The following MANBA variants were observed in gnomAD, a reference collection of about 807,000 sequenced individuals.
MANBA encodes the protein mannosidase beta.
In MANBA, 83 loss-of-function variants were observed where a neutral mutation model predicts 111.1. That is an observed-to-expected ratio of 0.75 (90% CI 0.63 to 0.90). MANBA has a LOEUF of 0.90. MANBA is among the 40% of genes least tolerant of loss of function. The pLI is 0.00. For synonymous variants in MANBA, 370 were observed against 378.7 expected (o/e 0.98, Z 0.27); for missense variants, 1,036 against 1,069.0 (o/e 0.97, Z 0.43).
chr4:102,754,433 T>C (rs1487718267), intron 1 of MANBA, among the ~76,000 whole-genome samples: 1 of 152,206 alleles, frequency 6.6e-6, no homozygotes, highest in Non-Finnish European at 1.5e-5. Flanking sequence ...TTATAACTGA[T>C]GGTAATTGTA....
intron 13 of MANBA, among the ~76,000 whole-genome samples, chr4:102,649,606 A>G (rs966839740): frequency 4.6e-5 from 7 of 152,112 alleles, no homozygotes; most frequent in African/African-American, 1.7e-4. Flanking sequence ...AGATTGTCTG[A>G]CTTTTTCTTA....
chr4:102,699,266 A>G (rs1414362726), intron 5 of MANBA, among the ~76,000 whole-genome samples: 4 of 150,586 alleles, frequency 2.7e-5, no homozygotes, highest in Non-Finnish European at 1.5e-5. Flanking sequence ...GGCTGAGACA[A>G]TGGGGTTTTC....
chr4:102,691,981 G>A (rs1321455702), intron 5 of MANBA, among the ~76,000 whole-genome samples: 1 of 152,200 alleles, frequency 6.6e-6, no homozygotes, highest in Non-Finnish European at 1.5e-5. Flanking sequence ...CAAAATTGAT[G>A]AGGGGGTCAG....
chr4:102,646,965 A>T (rs1421380126), intron 13 of MANBA, among the ~76,000 whole-genome samples: 1 of 151,986 alleles, frequency 6.6e-6, no homozygotes, highest in Non-Finnish European at 1.5e-5. Context: ...TCCTTAATTA[A>T]TAAATCTTCT....
Position 102,760,874 on chromosome 4 carries a change from C to T in MANBA, c.21G>A (p.Leu7=), listed in dbSNP as rs1247500456. ...TGCCTGCACCGCACAGCGCGAGCAG[C>T]AGGAGCAGGTGGAGGCGCATCTTGA... The part of the protein sequence containing the change: MRLHLL[L]LLALCGAGTT... Residue 7 remains leucine, a synonymous_variant, in exon 1 of 17, where the codon CTG becomes CTA. Coordinates refer to ENST00000647097, the MANE Select transcript of MANBA (RefSeq NM_005908.4). 2 of 1,571,130 alleles carry T rather than the reference C, an allele frequency of 1.3e-6. No homozygotes were observed. The highest frequency in any genetic ancestry group is 1.7e-6 in the Non-Finnish European group (2 of 1,160,300).
intron 13 of MANBA, among the ~76,000 whole-genome samples, chr4:102,642,700 G>A (rs1729936511): frequency 6.6e-6 from 1 of 152,196 alleles, no homozygotes. Context: ...GGTATGGTGA[G>A]AAGAAATTGG....
At chr4:102,752,150 G>C in intron 1 of MANBA, 1 of 776,166 alleles carries the variant, frequency 1.3e-6, no homozygotes, top group East Asian at 2.4e-5. Context: ...TGGTCACAAG[G>C]AAGCAATTTC....
At position 102,760,729 on chromosome 4, in the gene MANBA, C is replaced by G; in HGVS notation, c.166G>C (p.Gly56Arg). ...GCCGCACGCCATACCTGGATCAGGC[C>G]CTGCTGGAACAAGGCGCTGTGCACG... The part of the protein sequence containing the change: ...GCVHSALFQQ[G>R]LIQDSYYRFN... Residue 56 changes from glycine to arginine, a missense_variant, in exon 1 of 17, where the codon GGC becomes CGC. Transcript: ENST00000647097. 1 of 1,541,202 alleles carries G rather than the reference C, an allele frequency of 6.5e-7. No homozygotes were observed. The highest frequency in any genetic ancestry group is 8.8e-7 in the Non-Finnish European group (1 of 1,141,438).
chr4:102,743,783 T>C lies in MANBA; in HGVS notation c.177+16935A>G, dbSNP rs1272443302. 2.6e-5 allele frequency among the ~76,000 whole-genome samples: 4 copies of C among 152,300 alleles called. No homozygotes were observed. The East Asian group carries it at 7.7e-4, about 29-fold the overall frequency. On this transcript the variant is annotated intron_variant, in intron 1 of 16. Transcript: ENST00000647097. The stretch of plus-strand genomic sequence containing the variant: ...GGTCACACAGTGACTTGATGACCCG[T>C]AGTCAAAGGTTTGGTTTCCACCAAA...
chr4:102,642,986 C>A lies in MANBA; in HGVS notation c.1870-3129G>T, dbSNP rs960988685. ...ATAATTCACATACCATAAAATTCAT[C>A]ATTTTAGAGGTTATAATTCATTGGT... On this transcript the variant is annotated intron_variant, in intron 13 of 16. Transcript: ENST00000647097. Among the ~76,000 whole-genome samples, 5 of 152,158 alleles carry A rather than the reference C, an allele frequency of 3.3e-5. No individual in the cohort carries two copies. In the East Asian group the frequency reaches 9.6e-4, roughly 29 times the overall value.
chr4:102,703,132 CTTGT>C (rs112572555), intron 5 of MANBA, among the ~76,000 whole-genome samples: 1 of 152,094 alleles, frequency 6.6e-6, no homozygotes, highest in Non-Finnish European at 1.5e-5. Flanking sequence ...TGTTTGTTTA[CTTGT>C]TTGTTTGTTT....
chr4:102,692,448 T>C (rs17033179), intron 5 of MANBA, among the ~76,000 whole-genome samples: 4,562 of 152,286 alleles, frequency 0.03, 162 homozygotes, highest in African/African-American at 0.085. Flanking sequence ...GTCAAATTTA[T>C]ATTGTTTGTA....
At chr4:102,701,288 A>G (rs1364498796) in intron 5 of MANBA, among the ~76,000 whole-genome samples, 3 of 151,902 alleles carry the variant, frequency 2.0e-5, no homozygotes, top group Non-Finnish European at 4.4e-5. Context: ...AATACAGCAC[A>G]CTGATGGGTC....
intron 5 of MANBA, among the ~76,000 whole-genome samples, chr4:102,697,404 G>C (rs1347369382): frequency 6.6e-6 from 1 of 151,684 alleles, no homozygotes; most frequent in Non-Finnish European, 1.5e-5. Flanking sequence ...TGTGCACAAT[G>C]TGCAGGTTAG....
intron 4 of MANBA, among the ~76,000 whole-genome samples, chr4:102,718,515 C>T (rs17033207): frequency 0.021 from 3,193 of 152,184 alleles, 58 homozygotes; most frequent in African/African-American, 0.052. Flanking sequence ...TTACAAGGAA[C>T]GGCCAGAGAT....
intron 15 of MANBA, among the ~76,000 whole-genome samples, chr4:102,635,318 G>A (rs568737800): frequency 1.6e-4 from 24 of 152,304 alleles, no homozygotes; most frequent in African/African-American, 5.5e-4. Context: ...ACAGTACCTG[G>A]TGCGTTGTAA....
chr4:102,744,091 A>G (rs551421557), intron 1 of MANBA, among the ~76,000 whole-genome samples: 1 of 152,364 alleles, frequency 6.6e-6, no homozygotes, highest in Admixed American at 6.5e-5. Context: ...CTTTTGAGTC[A>G]CTTGCTAAAT....
chr4:102,755,440 T>C (rs1481448524), intron 1 of MANBA, among the ~76,000 whole-genome samples: 1 of 152,156 alleles, frequency 6.6e-6, no homozygotes, highest in Non-Finnish European at 1.5e-5. Context: ...GAAACTGGAT[T>C]CCTTCCTTAT....
At chr4:102,730,273 C>A in intron 1 of MANBA, 2 of 555,172 alleles carry the variant, frequency 3.6e-6, no homozygotes, top group East Asian at 5.8e-5. Flanking sequence ...TACCACATAT[C>A]GTCTCATGAC....
Sources: gnomAD v4.1 joint callset for allele counts (sites outside exome capture counted in the v4.1 genomes callset) on GRCh38, gnomAD v4.1.1 for gene constraint, MANE v1.5 for transcripts, NCBI Gene and HGNC (gene_info 2026-07-23, HGNC 2026-07-21) for gene names.